DNM3: variants seen among roughly 807,000 people sequenced by gnomAD.
The protein encoded by DNM3 is dynamin-3.
In DNM3, 47 loss-of-function variants were observed where a neutral mutation model predicts 101.6. That is an observed-to-expected ratio of 0.46 (90% confidence interval 0.37 to 0.59). The LOEUF (loss-of-function observed/expected upper bound fraction) is 0.59, where lower values mean the gene tolerates loss of function less well. DNM3 is among the 20% of genes least tolerant of loss of function. The pLI is 0.00. For missense variants in DNM3, 849 were observed against 1,085.7 expected, an observed-to-expected ratio of 0.78 and a Z score of 3.06; for synonymous variants, 385 against 387.9, an observed-to-expected ratio of 0.99 and a Z score of 0.09.
chr1:172,100,770 C>A (rs751460802), intron 13 of DNM3, among the ~76,000 whole-genome samples: 1 of 152,176 alleles, frequency 6.6e-6, no homozygotes, highest in Non-Finnish European at 1.5e-5. Flanking sequence ...AATAGTGTCA[C>A]CATGAACTAG....
intron 15 of DNM3, among the ~76,000 whole-genome samples, chr1:172,297,142 CAAAAAAA>C (rs767532426): frequency 9.0e-6 from 1 of 110,980 alleles, no homozygotes; most frequent in East Asian, 2.8e-4. Context: ...AACTCCATCT[CAAAAAAA>C]AAAAAAAAAA....
rs1451887363 is a variant in DNM3 at position 172,271,483 on chromosome 1, C to T, written c.1769+17801C>T. Reference sequence around the variant, plus strand: ...TAATGTGTAGTTTAACAGAAGACAGCTGGATACCCATATCTGCTTCTGCTT... The same window carrying T: ...TAATGTGTAGTTTAACAGAAGACAGTTGGATACCCATATCTGCTTCTGCTT... On this transcript the variant is annotated intron_variant, in intron 15 of 20. Transcript: ENST00000627582. Among the ~76,000 whole-genome samples, 3 of 151,984 alleles carry T rather than the reference C, an allele frequency of 2.0e-5. No homozygotes were observed. In the East Asian group the frequency reaches 5.8e-4, roughly 29 times the overall value.
At chr1:171,880,842 C>T (rs191833281) in intron 1 of DNM3, among the ~76,000 whole-genome samples, 1 of 151,856 alleles carries the variant, frequency 6.6e-6, no homozygotes, top group Non-Finnish European at 1.5e-5. Context: ...CCAAAAAGTT[C>T]TTCTGTGAGT....
At chr1:172,304,368 A>C (rs1161604551) in intron 15 of DNM3, among the ~76,000 whole-genome samples, 1 of 152,052 alleles carries the variant, frequency 6.6e-6, no homozygotes, top group Non-Finnish European at 1.5e-5. Context: ...CCAATACAGG[A>C]GCACCCAGAT....
intron 4 of DNM3, 91 bp downstream of exon 4, chr1:171,989,239 C>T (rs1462042981): frequency 1.5e-5 from 18 of 1,168,890 alleles, no homozygotes; most frequent in Non-Finnish European, 2.0e-5. Flanking sequence ...GATTTGGTTT[C>T]ATTATAAATA....
intron 12 of DNM3, among the ~76,000 whole-genome samples, chr1:172,083,702 T>A (rs555368399): frequency 2.6e-5 from 4 of 151,888 alleles, no homozygotes; most frequent in South Asian, 2.1e-4. Context: ...TTCTTGAAAC[T>A]TTTTTTTTCT....
At chr1:172,055,966 C>T (rs1045034583) in intron 10 of DNM3, among the ~76,000 whole-genome samples, 12 of 152,056 alleles carry the variant, frequency 7.9e-5, no homozygotes, top group African/African-American at 2.7e-4. Flanking sequence ...AGACAGTGGG[C>T]GCAGGTCAGT....
chr1:172,047,077 G>T (rs2049870114), intron 9 of DNM3, among the ~76,000 whole-genome samples: 1 of 152,054 alleles, frequency 6.6e-6, no homozygotes, highest in African/African-American at 2.4e-5. Flanking sequence ...CTCATGGTAT[G>T]CTTATTTAGG....
At chr1:171,857,398 A>G (rs1184577292) in intron 1 of DNM3, among the ~76,000 whole-genome samples, 1 of 152,184 alleles carries the variant, frequency 6.6e-6, no homozygotes, top group Non-Finnish European at 1.5e-5. Context: ...GGAATAAAAA[A>G]TAATTTCAAA....
intron 18 of DNM3, chr1:172,386,857 C>A: frequency 2.5e-6 from 1 of 392,608 alleles, no homozygotes; most frequent in Non-Finnish European, 4.8e-6. Flanking sequence ...CCAGCAGGCC[C>A]TGTTCTGGTG....
At chr1:172,317,807 G>A (rs1472884525) in intron 16 of DNM3, among the ~76,000 whole-genome samples, 2 of 152,104 alleles carry the variant, frequency 1.3e-5, no homozygotes, top group Non-Finnish European at 2.9e-5. Context: ...TTCTACCAGA[G>A]GTACAAGGAG....
intron 1 of DNM3, among the ~76,000 whole-genome samples, chr1:171,890,986 A>G (rs1035961298): frequency 6.6e-6 from 1 of 152,188 alleles, no homozygotes; most frequent in Non-Finnish European, 1.5e-5. Flanking sequence ...AGTTTCTAAA[A>G]GTCACTCCAC....
intron 14 of DNM3, among the ~76,000 whole-genome samples, chr1:172,190,183 C>T (rs1348923430): frequency 2.0e-5 from 3 of 152,044 alleles, no homozygotes; most frequent in Admixed American, 1.3e-4. Context: ...CACCGGCAGG[C>T]CCCAGTGTGT....
chr1:172,070,855 A>G (rs1261355083), intron 11 of DNM3, among the ~76,000 whole-genome samples: 2 of 151,840 alleles, frequency 1.3e-5, no homozygotes, highest in Non-Finnish European at 2.9e-5. Flanking sequence ...TGGGAGGCTG[A>G]GGCAGGCAGA....
intron 2 of DNM3, among the ~76,000 whole-genome samples, chr1:171,927,376 T>C (rs1453827482): frequency 1.3e-5 from 2 of 152,190 alleles, no homozygotes; most frequent in African/African-American, 4.8e-5. Context: ...CAAGTTATCT[T>C]TTCTGCTCCT....
intron 1 of DNM3, among the ~76,000 whole-genome samples, chr1:171,857,675 G>C (rs1295703356): frequency 6.6e-6 from 1 of 152,092 alleles, no homozygotes; most frequent in African/African-American, 2.4e-5. Context: ...TTGCTTCTGG[G>C]ACAGACTGCA....
chr1:172,079,936 G>T (rs534887205), intron 11 of DNM3, among the ~76,000 whole-genome samples: 2 of 152,224 alleles, frequency 1.3e-5, no homozygotes, highest in South Asian at 4.2e-4. Context: ...TGTTTGCCTG[G>T]GTATCACCAG....
intron 4 of DNM3, among the ~76,000 whole-genome samples, chr1:172,013,031 C>CA (rs539160110): frequency 1.9e-4 from 28 of 150,090 alleles, no homozygotes; most frequent in East Asian, 1.4e-3. Context: ...AAACCCAAAA[C>CA]AAAAAAAAAT....
chr1:172,308,234 A>G (rs1165686246), intron 15 of DNM3, among the ~76,000 whole-genome samples: 1 of 152,148 alleles, frequency 6.6e-6, no homozygotes, highest in Non-Finnish European at 1.5e-5. Flanking sequence ...ACCCTATTAA[A>G]CACTGGTTAT....
Sources: gnomAD v4.1 joint callset for allele counts (sites outside exome capture counted in the v4.1 genomes callset) on GRCh38, gnomAD v4.1.1 for gene constraint, MANE v1.5 for transcripts, NCBI Gene and HGNC (gene_info 2026-07-23, HGNC 2026-07-21) for gene names.